SIRT1: variants seen among roughly 807,000 people sequenced by gnomAD.
The protein encoded by SIRT1 is sirtuin 1.
In SIRT1, 24 loss-of-function variants were observed where a neutral mutation model predicts 67.9. The observed-to-expected ratio is 0.35, with a 90% confidence interval of 0.26 to 0.50. SIRT1 has a LOEUF of 0.50. Among genes scored for constraint, SIRT1 ranks in the 20% least tolerant of loss-of-function variants. SIRT1 has a pLI of 0.98. For missense variants in SIRT1, 873 were observed against 937.2 expected, an observed-to-expected ratio of 0.93 and a Z score of 0.89; for synonymous variants, 378 against 350.7, an observed-to-expected ratio of 1.08 and a Z score of -0.87.
At chr10:67,900,059 G>A (rs944083493) in intron 4 of SIRT1, among the ~76,000 whole-genome samples, 2 of 152,046 alleles carry the variant, frequency 1.3e-5, no homozygotes, top group Non-Finnish European at 2.9e-5. Context: ...ACTCCAGCCT[G>A]GGCAACAGAG....
chr10:67,884,919 C>A lies in SIRT1; in HGVS notation c.198C>A (p.Gly66=). 1.6e-6 allele frequency: 2 copies of A among 1,234,870 alleles called. No homozygotes were observed. Among genetic ancestry groups the A allele is most frequent in the Non-Finnish European group, 2.0e-6 (2 of 989,944 alleles). The allele number at this position is 1,234,870 out of a possible 1,614,324, so 76.5% of individuals were successfully genotyped here. The change falls in exon 1 of 9, where the codon GGC becomes GGA. Residue 66 remains glycine, a synonymous_variant. Transcript: ENST00000212015. The part of the protein sequence containing the change: ...PEREVPAAAR[G]CPGAAAAALW... ...GTGAGGTGCCGGCGGCGGCCAGGGG[C>A]TGCCCGGGTGCGGCGGCGGCGGCGC...
chr10:67,911,930 A>T (rs1409280340), intron 7 of SIRT1, among the ~76,000 whole-genome samples: 1 of 151,746 alleles, frequency 6.6e-6, no homozygotes, highest in Admixed American at 6.6e-5. Context: ...ACGCCCGGCT[A>T]ATTTTGTGTT....
rs376344500 is a variant in SIRT1, at chr10:67,889,140, C to T, written c.789+17C>T. 1 of 1,578,138 alleles carries T rather than the reference C, an allele frequency of 6.3e-7. No homozygotes were observed. The highest frequency in any genetic ancestry group is 1.1e-5 in the South Asian group (1 of 87,050). On this transcript the variant is annotated intron_variant, in intron 3 of 8. Coordinates refer to ENST00000212015, the MANE Select transcript of SIRT1 (RefSeq NM_012238.5). ...GGAGCTGGGGTATGTAAGACTAGTA[C>T]ATGGGGAGGTCGTATATGTATTTTC...
chr10:67,895,742 T>G (rs868461912), intron 4 of SIRT1, among the ~76,000 whole-genome samples: 3 of 88,930 alleles, frequency 3.4e-5, no homozygotes, highest in Admixed American at 2.3e-4. Flanking sequence ...TGTTTTTTTT[T>G]TTTTTGTTTT....
chr10:67,910,248 A>C (rs1321474300), intron 7 of SIRT1, among the ~76,000 whole-genome samples: 1 of 152,040 alleles, frequency 6.6e-6, no homozygotes, highest in East Asian at 1.9e-4. Flanking sequence ...AGTGGTGTGC[A>C]CATGTAGTCC....
chr10:67,902,538 A>G (rs964425444), intron 4 of SIRT1, among the ~76,000 whole-genome samples: 7 of 152,224 alleles, frequency 4.6e-5, no homozygotes, highest in African/African-American at 1.4e-4. Context: ...CATATGACCA[A>G]TTTATTAGTA....
intron 4 of SIRT1, among the ~76,000 whole-genome samples, chr10:67,894,904 T>A (rs1425690094): frequency 6.6e-6 from 1 of 152,088 alleles, no homozygotes; most frequent in Non-Finnish European, 1.5e-5. Flanking sequence ...TTCACCATGT[T>A]GGCAAGGACG....
chr10:67,909,378 T>A lies in SIRT1; in HGVS notation c.1293T>A (p.Asp431Glu). Residue 431 changes from aspartate to glutamate, a missense_variant, in exon 7 of 9, where the codon GAT (aspartate) becomes GAA (glutamate). Transcript: ENST00000212015. ...ATAGAGCCATGAAGTATGACAAAGATGAAGTTGACCTCCTCATTGTTATTG... is the reference window on the plus strand; with the variant it reads ...ATAGAGCCATGAAGTATGACAAAGAAGAAGTTGACCTCCTCATTGTTATTG... ...QFHRAMKYDK[D>E]EVDLLIVIGS... 6.2e-7 allele frequency: 1 copy of A among 1,613,806 alleles called. No individual in the cohort carries two copies. The highest frequency in any genetic ancestry group is 8.5e-7 in the Non-Finnish European group (1 of 1,179,928).
rs746049363 is a variant in SIRT1, at chr10:67,906,801, T to G, written c.954T>G (p.Pro318=). 25 of 1,612,538 alleles carry G rather than the reference T, an allele frequency of 1.6e-5. No individual in the cohort carries two copies. The highest frequency in any genetic ancestry group is 1.6e-5 in the Non-Finnish European group (19 of 1,179,548). ...TTTGCTTGATACAGGAAATATATCCTGGACAATTCCAGCCATCTCTCTGTC... is the reference window on the plus strand; with the variant it reads ...TTTGCTTGATACAGGAAATATATCCGGGACAATTCCAGCCATCTCTCTGTC... ...PFFKFAKEIY[P]GQFQPSLCHK... The change falls in exon 5 of 9, where the codon CCT becomes CCG. Residue 318 remains proline, a synonymous_variant. Coordinates refer to ENST00000212015, the MANE Select transcript of SIRT1 (RefSeq NM_012238.5).
At chr10:67,885,894 AG>A (rs1170782557) in intron 1 of SIRT1, among the ~76,000 whole-genome samples, 1 of 150,860 alleles carries the variant, frequency 6.6e-6, no homozygotes, top group African/African-American at 2.4e-5. Context: ...TAACACTTCT[AG>A]CATAATGAAG....
intron 4 of SIRT1, among the ~76,000 whole-genome samples, chr10:67,902,713 T>A (rs1011976618): frequency 6.6e-6 from 1 of 152,190 alleles, no homozygotes; most frequent in Non-Finnish European, 1.5e-5. Flanking sequence ...ACTGCCTCCA[T>A]CTGAACTATA....
At chr10:67,885,948 T>TTC (rs1554888836) in intron 1 of SIRT1, among the ~76,000 whole-genome samples, 4 of 139,878 alleles carry the variant, frequency 2.9e-5, no homozygotes, top group African/African-American at 1.1e-4. Context: ...TTTCTTTTTT[T>TTC]TTTTTTTTTT....
chr10:67,910,630 G>A (rs1275983907), intron 7 of SIRT1, among the ~76,000 whole-genome samples: 1 of 152,112 alleles, frequency 6.6e-6, no homozygotes, highest in Non-Finnish European at 1.5e-5. Context: ...AACATACCAT[G>A]TAAGATGGAA....
intron 3 of SIRT1, among the ~76,000 whole-genome samples, chr10:67,891,029 CAAA>C (rs11327756): frequency 1.0e-5 from 1 of 100,414 alleles, no homozygotes; most frequent in Non-Finnish European, 2.2e-5. Context: ...GACTCTGTCT[CAAA>C]AAAAAAAAAA....
chr10:67,916,340 A>T lies in SIRT1; in HGVS notation c.1991A>T (p.Asp664Val). ...GAEVYSDSED[D>V]VLSSSSCGSN... is the part of the protein sequence containing the mutation. ...GAGGTATATTCAGACTCTGAAGATG[A>T]CGTCTTATCCTCTAGTTCTTGTGGC... Residue 664 changes from aspartate (D) to valine (V), a missense_variant, in exon 9 of 9, where the codon GAC becomes GTC. Asp to Val is a radical substitution (Grantham distance 152, BLOSUM62 -3). Around this residue, in one of 3 missense-constraint regions of SIRT1, gnomAD observed 295 missense variants for 294.5 expected, o/e 1.00. Transcript: ENST00000212015. 6.2e-7 allele frequency: 1 copy of T among 1,614,050 alleles called. No homozygotes were observed. Among genetic ancestry groups the T allele is most frequent in the Admixed American group, 1.7e-5 (1 of 60,020 alleles).
intron 6 of SIRT1, among the ~76,000 whole-genome samples, chr10:67,908,989 A>G (rs1178613440): frequency 6.6e-6 from 1 of 152,046 alleles, no homozygotes; most frequent in Non-Finnish European, 1.5e-5. Context: ...TACACACATT[A>G]TGTTTTTCCT....
intron 4 of SIRT1, among the ~76,000 whole-genome samples, chr10:67,897,948 CTTTTTT>C (rs1193148620): frequency 0.037 from 4,084 of 108,914 alleles, 96 homozygotes; most frequent in Middle Eastern, 0.054. Context: ...TATAAAATAA[CTTTTTT>C]TTTTTTTTTT....
chr10:67,885,373 C>T, intron 1 of SIRT1: 4 of 1,231,134 alleles, frequency 3.2e-6, no homozygotes, highest in South Asian at 4.1e-5. Context: ...CCCGCCTGGG[C>T]GGCCTTGTTC....
In SIRT1 at chr10:67,884,782, G is replaced by A; in HGVS notation, c.61G>A (p.Asp21Asn). The change falls in exon 1 of 9, where the codon GAC becomes AAC. Residue 21 changes from aspartate to asparagine, a missense_variant. By Grantham distance (23) the Asp-to-Asn change is conservative. Transcript: ENST00000212015. ...CGGCTCCCCCTCGGCGGCGGGGGCC[G>A]ACAGGGAGGCCGCGTCGTCCCCCGC... ...PGGSPSAAGADREAASSPAGE... is the reference protein window; with the variant it reads ...PGGSPSAAGANREAASSPAGE... 8.2e-7 allele frequency: 1 copy of A among 1,220,232 alleles called. No individual in the cohort carries two copies. 75.6% of individuals were successfully genotyped at this position (1,220,232 alleles called of 1,614,324 possible).
Sources: allele counts gnomAD v4.1 joint callset (sites outside exome capture counted in the v4.1 genomes callset), GRCh38; gene constraint gnomAD v4.1.1; regional missense constraint gnomAD v4.1.1; transcripts MANE v1.5; gene names NCBI Gene and HGNC (gene_info 2026-07-23, HGNC 2026-07-21).